Variants in PPM1L observed in about 807,000 individuals in gnomAD.
PPM1L encodes the protein protein phosphatase 1L.
PPM1L carries 13 observed loss-of-function variants against 31.4 expected under a neutral mutation model. The ratio of observed to expected loss-of-function variants is 0.41; its 90% CI spans 0.27 to 0.66. The LOEUF (loss-of-function observed/expected upper bound fraction) is 0.66, where lower values mean the gene tolerates loss of function less well. Among genes scored for constraint, PPM1L ranks in the 30% least tolerant of loss-of-function variants. The pLI, the probability that PPM1L is intolerant of heterozygous loss-of-function variation, is 0.29. For missense variants in PPM1L, 326 were observed against 453.7 expected (o/e 0.72, Z 2.56); for synonymous variants, 184 against 175.4 (o/e 1.05, Z -0.39).
chr3:160,756,713 A>C lies in PPM1L; in HGVS notation c.399+6A>C, dbSNP rs776875902. 1 of 1,610,054 alleles carries C rather than the reference A, an allele frequency of 6.2e-7. No individual in the cohort carries two copies. The highest frequency in any genetic ancestry group is 2.2e-5 in the East Asian group (1 of 44,748). ...TCGACGGGCACGGGGGAGAGGTAGGAGCTACCCCGGGGCTTTGTATTTGTG... is the reference window on the plus strand; with the variant it reads ...TCGACGGGCACGGGGGAGAGGTAGGCGCTACCCCGGGGCTTTGTATTTGTG... On this transcript the variant is annotated splice_donor_region_variant and intron_variant, in intron 1 of 3. Coordinates refer to ENST00000498165, the MANE Select transcript of PPM1L (RefSeq NM_139245.4). The surrounding 1 kb of genome is among the most constrained non-coding windows in gnomAD (Gnocchi z 6.2).
chr3:161,031,321 GCA>G (rs1299800215), intron 2 of PPM1L, among the ~76,000 whole-genome samples: 1 of 152,180 alleles, frequency 6.6e-6, no homozygotes, highest in East Asian at 1.9e-4. Context: ...CAATTGTTGA[GCA>G]ACAACTATGT....
At chr3:160,757,609 C>T (rs947517663) in intron 1 of PPM1L, among the ~76,000 whole-genome samples, 4 of 152,228 alleles carry the variant, frequency 2.6e-5, no homozygotes, top group African/African-American at 9.7e-5. Flanking sequence ...GCGCATTGGC[C>T]CAGGCAAAGT....
chr3:161,023,557 C>A (rs1454693248), intron 2 of PPM1L, among the ~76,000 whole-genome samples: 1 of 152,112 alleles, frequency 6.6e-6, no homozygotes, highest in Non-Finnish European at 1.5e-5. Flanking sequence ...ATTTACTACG[C>A]AAATATAAAC....
intron 1 of PPM1L, among the ~76,000 whole-genome samples, chr3:160,781,709 C>T (rs1053402307): frequency 5.3e-5 from 8 of 152,070 alleles, no homozygotes; most frequent in Non-Finnish European, 8.8e-5. Context: ...CTTTTGTCTG[C>T]GCATATTTAG....
chr3:160,953,143 T>C (rs1408202196), intron 1 of PPM1L, among the ~76,000 whole-genome samples: 1 of 152,190 alleles, frequency 6.6e-6, no homozygotes, highest in Non-Finnish European at 1.5e-5. Flanking sequence ...GGAAATTGGG[T>C]CTCTATATCA....
chr3:160,999,432 A>T (rs774892141), intron 2 of PPM1L, among the ~76,000 whole-genome samples: 7 of 152,174 alleles, frequency 4.6e-5, no homozygotes, highest in Non-Finnish European at 7.3e-5. Context: ...TGATTGTACC[A>T]TAGATCCCCA....
chr3:161,041,860 G>A (rs866856863), intron 2 of PPM1L, among the ~76,000 whole-genome samples: 4 of 152,294 alleles, frequency 2.6e-5, no homozygotes, highest in African/African-American at 9.6e-5. Context: ...ATTTCTTAAT[G>A]TCAGAAATTT....
chr3:161,039,585 C>T (rs939324006), intron 2 of PPM1L, among the ~76,000 whole-genome samples: 4 of 152,128 alleles, frequency 2.6e-5, no homozygotes, highest in Non-Finnish European at 5.9e-5. Context: ...TGCAGGGGTG[C>T]GATCTCGGCT....
intron 1 of PPM1L, among the ~76,000 whole-genome samples, chr3:160,811,144 A>T (rs909943888): frequency 6.6e-6 from 1 of 152,260 alleles, no homozygotes; most frequent in Non-Finnish European, 1.5e-5. Context: ...GAAACAAATG[A>T]AATAAATGCC....
chr3:160,830,387 G>A (rs532591739), intron 1 of PPM1L, among the ~76,000 whole-genome samples: 1 of 152,152 alleles, frequency 6.6e-6, no homozygotes, highest in Admixed American at 6.6e-5. Context: ...TGTATTAGTA[G>A]CAGTGACAAC....
At chr3:160,999,378 C>A (rs1453202197) in intron 2 of PPM1L, among the ~76,000 whole-genome samples, 5 of 152,122 alleles carry the variant, frequency 3.3e-5, no homozygotes, top group Admixed American at 3.3e-4. Flanking sequence ...TATTTCACTG[C>A]CCTAATCTAC....
chr3:160,934,557 G>A (rs1157127839), intron 1 of PPM1L, among the ~76,000 whole-genome samples: 1 of 152,136 alleles, frequency 6.6e-6, no homozygotes, highest in Non-Finnish European at 1.5e-5. Context: ...TATTGCTAGA[G>A]GTTCTGTAAT....
chr3:160,928,465 G>A (rs888077206), intron 1 of PPM1L, among the ~76,000 whole-genome samples: 1 of 152,186 alleles, frequency 6.6e-6, no homozygotes, highest in African/African-American at 2.4e-5. Context: ...TTTTTCTCTA[G>A]TATGGTATTG....
Position 160,848,571 on chromosome 3 carries a change from A to G in PPM1L, c.399+91864A>G, listed in dbSNP as rs143007566. Reference sequence around the variant, plus strand: ...GTGTTTGTTAGTGTCCGCAGGTTCTATCTTCCACTCTTGTCCTTCTCTACC... The same window carrying G: ...GTGTTTGTTAGTGTCCGCAGGTTCTGTCTTCCACTCTTGTCCTTCTCTACC... On this transcript the variant is annotated intron_variant, in intron 1 of 3. Transcript: ENST00000498165. Among the ~76,000 whole-genome samples, 1,213 of 152,262 alleles carry G rather than the reference A, an allele frequency of 8.0e-3. 15 individuals are homozygous for G. The highest frequency in any genetic ancestry group is 0.041 in the Middle Eastern group (12 of 294).
chr3:160,886,050 A>G (rs984967310), intron 1 of PPM1L, among the ~76,000 whole-genome samples: 2 of 152,216 alleles, frequency 1.3e-5, no homozygotes, highest in East Asian at 1.9e-4. Flanking sequence ...CTTGGTCCCA[A>G]AAGGTGTCCC....
At chr3:160,804,013 A>G (rs1307830500) in intron 1 of PPM1L, among the ~76,000 whole-genome samples, 1 of 151,992 alleles carries the variant, frequency 6.6e-6, no homozygotes, top group African/African-American at 2.4e-5. Context: ...CGCCTCCCAG[A>G]TTCACACCAT....
At chr3:161,036,029 C>T (rs571128745) in intron 2 of PPM1L, 16 of 152,278 alleles carry the variant, frequency 1.1e-4, no homozygotes, top group African/African-American at 3.1e-4. Context: ...AGCCATGACT[C>T]AGATTTCCTA....
intron 1 of PPM1L, among the ~76,000 whole-genome samples, chr3:160,861,111 G>A (rs1004844000): frequency 6.6e-6 from 1 of 152,188 alleles, no homozygotes; most frequent in Non-Finnish European, 1.5e-5. Context: ...AGGTCACGTA[G>A]TGTATCATCA....
intron 1 of PPM1L, among the ~76,000 whole-genome samples, chr3:160,867,197 C>G (rs1450113265): frequency 1.3e-5 from 2 of 152,042 alleles, no homozygotes; most frequent in Non-Finnish European, 2.9e-5. Flanking sequence ...TATGGAGTTA[C>G]TGGAAATTAT....
Sources: allele counts gnomAD v4.1 joint callset (sites outside exome capture counted in the v4.1 genomes callset), GRCh38; gene constraint gnomAD v4.1.1; non-coding constraint Gnocchi (gnomAD v3.1); transcripts MANE v1.5; gene names NCBI Gene and HGNC (gene_info 2026-07-23, HGNC 2026-07-21).